Variants in GARIN2 observed in about 807,000 individuals in gnomAD.
The protein encoded by GARIN2 is Golgi-associated RAB2 interactor protein 2.
At chr14:67,202,699 A>G in the GARIN2 span, among the ~76,000 whole-genome samples, 2 of 152,284 alleles carry the variant, frequency 1.3e-5, no homozygotes, top group South Asian at 4.2e-4. Flanking sequence ...TTATGTCAGT[A>G]ACACTTTAAA....
the GARIN2 span, among the ~76,000 whole-genome samples, chr14:67,194,467 G>A: frequency 6.6e-6 from 1 of 151,894 alleles, no homozygotes; most frequent in Non-Finnish European, 1.5e-5. Flanking sequence ...TGGCCAAAAT[G>A]ATGGCTTCAC....
the GARIN2 span, among the ~76,000 whole-genome samples, chr14:67,191,803 G>A: frequency 1.3e-3 from 196 of 152,292 alleles, 1 homozygote; most frequent in African/African-American, 3.9e-3. Flanking sequence ...AAGAACTAGC[G>A]TTGGTTTCCG....
chr14:67,218,112 A>C, the GARIN2 span, among the ~76,000 whole-genome samples: 1 of 152,164 alleles, frequency 6.6e-6, no homozygotes. Context: ...TGCCAGGGGT[A>C]GGCTCACCAG....
chr14:67,221,925 C>A, the GARIN2 span: 2 of 1,287,462 alleles, frequency 1.6e-6, no homozygotes, highest in South Asian at 1.4e-5. Context: ...CTTTTTGATG[C>A]ATTTCCTTTC....
chr14:67,192,242 A>G, the GARIN2 span, among the ~76,000 whole-genome samples: 1 of 152,196 alleles, frequency 6.6e-6, no homozygotes, highest in African/African-American at 2.4e-5. Flanking sequence ...TTAATACACA[A>G]TCGTGATAGA....
At chr14:67,201,076 G>A in the GARIN2 span, among the ~76,000 whole-genome samples, 6 of 152,134 alleles carry the variant, frequency 3.9e-5, no homozygotes, top group Non-Finnish European at 5.9e-5. Context: ...CAGGAGGATC[G>A]CTTGAGGCCA....
chr14:67,212,498 G>A, the GARIN2 span, among the ~76,000 whole-genome samples: 3 of 150,734 alleles, frequency 2.0e-5, no homozygotes, highest in Admixed American at 6.6e-5. Flanking sequence ...GGCTGAAGTG[G>A]AAGGATCACC....
At chr14:67,210,430 AAAG>A in the GARIN2 span, among the ~76,000 whole-genome samples, 708 of 152,278 alleles carry the variant, frequency 4.6e-3, 3 homozygotes, top group African/African-American at 0.016. Context: ...TATTTAAAAA[AAAG>A]AAGAAGAACA....
the GARIN2 span, chr14:67,197,991 T>A: frequency 2.2e-5 from 15 of 681,344 alleles, no homozygotes; most frequent in Non-Finnish European, 3.6e-5. Context: ...CCTGTTTAGA[T>A]GTATGTATTA....
chr14:67,193,290 ACATC>A, the GARIN2 span, among the ~76,000 whole-genome samples: 1 of 135,882 alleles, frequency 7.4e-6, no homozygotes, highest in Admixed American at 7.5e-5. Flanking sequence ...CTCTATATAG[ACATC>A]TATCTATATA....
the GARIN2 span, among the ~76,000 whole-genome samples, chr14:67,212,368 G>A: frequency 1.8e-4 from 28 of 151,772 alleles, no homozygotes; most frequent in Admixed American, 1.7e-3. Flanking sequence ...TGGGCAGATC[G>A]CTCAAGCCAA....
At chr14:67,210,722 G>C in the GARIN2 span, among the ~76,000 whole-genome samples, 22 of 151,816 alleles carry the variant, frequency 1.4e-4, no homozygotes, top group Non-Finnish European at 2.8e-4. Flanking sequence ...AATAGAGAAT[G>C]AACTTTGCCA....
At chr14:67,210,625 A>G in the GARIN2 span, among the ~76,000 whole-genome samples, 1 of 151,970 alleles carries the variant, frequency 6.6e-6, no homozygotes, top group Non-Finnish European at 1.5e-5. Context: ...TTTCTATTAA[A>G]CTTTCGTTAT....
chr14:67,204,633 G>GCTCTGCAC, the GARIN2 span: 1 of 1,613,876 alleles, frequency 6.2e-7, no homozygotes, highest in South Asian at 1.1e-5. Context: ...ACTACTTACA[G>GCTCTGCAC]CTCTGCACCT....
chr14:67,208,277 A>G, the GARIN2 span: 2 of 1,614,054 alleles, frequency 1.2e-6, no homozygotes, highest in Non-Finnish European at 1.7e-6. Context: ...AGAATCCTCA[A>G]AACATGTCAC....
At chr14:67,223,798 C>T in the GARIN2 span, 2 of 985,650 alleles carry the variant, frequency 2.0e-6, no homozygotes, top group Non-Finnish European at 2.4e-6. Flanking sequence ...ATTTCTTTCC[C>T]CATTTTCACT....
At chr14:67,217,399 A>G in the GARIN2 span, among the ~76,000 whole-genome samples, 1 of 152,114 alleles carries the variant, frequency 6.6e-6, no homozygotes, top group Non-Finnish European at 1.5e-5. Context: ...ATTTTAATCT[A>G]TTTACATTTA....
chr14:67,200,161 A>T, the GARIN2 span: 4 of 1,156,028 alleles, frequency 3.5e-6, no homozygotes, highest in Non-Finnish European at 4.9e-6. Context: ...CCCAGGTCCT[A>T]TGCCTCCACA....
At chr14:67,193,344 A>ATATATC in the GARIN2 span, among the ~76,000 whole-genome samples, 3 of 138,550 alleles carry the variant, frequency 2.2e-5, no homozygotes, top group Non-Finnish European at 3.1e-5. Context: ...ATAGATATCT[A>ATATATC]TCTATATAGA....
Sources: gnomAD v4.1 joint callset for allele counts (sites outside exome capture counted in the v4.1 genomes callset) on GRCh38, gnomAD v4.1.1 for gene constraint, MANE v1.5 for transcripts, NCBI Gene and HGNC (gene_info 2026-07-23, HGNC 2026-07-21) for gene names.